COL17A1: variants seen among roughly 807,000 people sequenced by gnomAD.
The protein encoded by COL17A1 is collagen type XVII alpha 1 chain, also known as collagen alpha-1(XVII) chain.
COL17A1 carries 181 observed loss-of-function variants against 218.4 expected under a neutral mutation model. The ratio of observed to expected loss-of-function variants is 0.83; its 90% CI spans 0.73 to 0.94. The LOEUF is 0.94. COL17A1 is among the 40% of genes least tolerant of loss of function. The probability of loss-of-function intolerance (pLI) is 0.00; values close to 1 mark genes in which losing one functional copy is unlikely to be tolerated. For missense variants in COL17A1, 1,924 were observed against 1,945.9 expected (o/e 0.99, Z 0.21); for synonymous variants, 721 against 731.0 (o/e 0.99, Z 0.22).
intron 17 of COL17A1, among the ~76,000 whole-genome samples, 183 bp downstream of exon 17, chr10:104,056,792 T>C (rs1426766709): frequency 6.6e-6 from 1 of 152,162 alleles, no homozygotes; most frequent in Non-Finnish European, 1.5e-5. Context: ...CAGCATGTCC[T>C]TGGCCAGGTA....
rs753899068 is a variant in COL17A1, at chr10:104,033,396, G to A, written c.4157-21C>T. The A allele has an allele frequency of 5.0e-6, 8 of 1,608,096 alleles. No individual in the cohort carries two copies. In the South Asian group the frequency reaches 7.8e-5, roughly 16 times the overall value. ...CTGACCTGTAAAACACCAGAGCTTG[G>A]GCACAGGAAGCAGGGATCTCCCAGT... On this transcript the variant is annotated intron_variant, in intron 52 of 55. Transcript: ENST00000648076.
intron 10 of COL17A1, among the ~76,000 whole-genome samples, chr10:104,064,059 G>C (rs906852717): frequency 2.6e-5 from 4 of 152,232 alleles, no homozygotes; most frequent in African/African-American, 9.7e-5. Context: ...AGTGGACAGT[G>C]GGTCCAGCCA....
chr10:104,039,594 G>A lies in COL17A1; in HGVS notation c.2821+14C>T. The A allele has an allele frequency of 6.2e-7, 1 of 1,614,172 alleles. No individual in the cohort carries two copies. Among genetic ancestry groups the A allele is most frequent in the South Asian group, 1.1e-5 (1 of 91,082 alleles). Reference sequence around the variant, plus strand: ...TCTGGCCAGAGCCAGAATGGGGCGGGGTTCAGCCCTTACCTGAGGTTGAGA... The same window carrying A: ...TCTGGCCAGAGCCAGAATGGGGCGGAGTTCAGCCCTTACCTGAGGTTGAGA... On this transcript the variant is annotated intron_variant, in intron 42 of 55. Coordinates refer to ENST00000648076, the MANE Select transcript of COL17A1 (RefSeq NM_000494.4).
At chr10:104,054,380 A>G (rs1418486332) in intron 20 of COL17A1, among the ~76,000 whole-genome samples, 1 of 152,198 alleles carries the variant, frequency 6.6e-6, no homozygotes, top group Non-Finnish European at 1.5e-5. Flanking sequence ...TTATCTGACA[A>G]CTGCAGGTTC....
At chr10:104,056,358 A>G (rs754209410) in intron 17 of COL17A1, among the ~76,000 whole-genome samples, 2 of 152,140 alleles carry the variant, frequency 1.3e-5, no homozygotes, top group South Asian at 2.1e-4. Flanking sequence ...CAAGGGGGGC[A>G]GATCACGGGG....
chr10:104,084,905 A>G (rs2134670790), intron 1 of COL17A1, among the ~76,000 whole-genome samples: 1 of 152,318 alleles, frequency 6.6e-6, no homozygotes, highest in East Asian at 1.9e-4. Context: ...CTGATTAACT[A>G]CTTCTCAAAA....
rs777048918 is a variant in COL17A1, at chr10:104,070,596, G to A, written c.464-27C>T. On this transcript the variant is annotated intron_variant, in intron 8 of 55. Transcript: ENST00000648076. ...TGTGAAAGAATCCACAGACGTTTCT[G>A]TTAAGTCCAGAGTTCTTTCCTGAGT... 11 of 1,614,014 alleles carry A rather than the reference G, an allele frequency of 6.8e-6. No homozygotes were observed. The Admixed American group carries it at 1.5e-4, about 22-fold the overall frequency.
rs1448977667 is a variant in COL17A1 at position 104,031,400 on chromosome 10, C to T, written c.*835G>A. 6.6e-6 allele frequency: 1 copy of T among 152,588 alleles called. No individual in the cohort carries two copies. The highest frequency in any genetic ancestry group is 1.9e-4 in the East Asian group (1 of 5,192). 9.5% of individuals were successfully genotyped at this position (152,588 alleles called of 1,614,324 possible). A position where few individuals can be genotyped will look rare whatever the true frequency, so the allele number is the denominator to read the frequency against. On this transcript the variant is annotated 3_prime_UTR_variant, in exon 56 of 56. Transcript: ENST00000648076. Reference sequence around the variant, plus strand: ...GAAAAGTGGTTAAAGACCAACTGCGCCCAGTCCCCCAAGTGCCATTTTCTG... The same window carrying T: ...GAAAAGTGGTTAAAGACCAACTGCGTCCAGTCCCCCAAGTGCCATTTTCTG...
At chr10:104,059,085 G>T (rs745584377) in intron 15 of COL17A1, among the ~76,000 whole-genome samples, 3 of 152,182 alleles carry the variant, frequency 2.0e-5, no homozygotes, top group Non-Finnish European at 4.4e-5. Flanking sequence ...GTCAGGAACT[G>T]CTAACTTTAA....
At chr10:104,063,501 C>G (rs558289221) in intron 11 of COL17A1, 2 of 561,146 alleles carry the variant, frequency 3.6e-6, no homozygotes, top group East Asian at 6.6e-5. Flanking sequence ...TCCTCCAACT[C>G]TTCCAGAAAA....
chr10:104,069,047 C>CTA (rs2086649561), intron 9 of COL17A1, among the ~76,000 whole-genome samples: 1 of 152,176 alleles, frequency 6.6e-6, no homozygotes, highest in Non-Finnish European at 1.5e-5. Flanking sequence ...GTATAGGGAT[C>CTA]TATACCCTTG....
At position 104,058,197 on chromosome 10, in the gene COL17A1, G is replaced by A; in HGVS notation, c.1223-7C>T. 6.2e-7 allele frequency: 1 copy of A among 1,614,198 alleles called. No individual in the cohort carries two copies. Among genetic ancestry groups the A allele is most frequent in the South Asian group, 1.1e-5 (1 of 91,080 alleles). On this transcript the variant is annotated splice_polypyrimidine_tract_variant and splice_region_variant and intron_variant, in intron 15 of 55. Transcript: ENST00000648076. Reference sequence around the variant, plus strand: ...GACACAGTCTTCAGGTCTCCTGAAAGGACAAACAGATTGACCTGAGCTTTT... The same window carrying A: ...GACACAGTCTTCAGGTCTCCTGAAAAGACAAACAGATTGACCTGAGCTTTT...
At chr10:104,072,149 C>T (rs914540137) in intron 7 of COL17A1, 70 bp from the exon 8 acceptor site, 9 of 1,605,096 alleles carry the variant, frequency 5.6e-6, no homozygotes, top group Admixed American at 1.7e-5. Context: ...ACACTGAACT[C>T]CTAGCAGCAG....
chr10:104,046,669 T>C (rs370601024), intron 32 of COL17A1, 78 bp downstream of exon 32: 13 of 1,428,978 alleles, frequency 9.1e-6, no homozygotes, highest in African/African-American at 8.4e-5. Flanking sequence ...CTCTGGTGAC[T>C]GCAGGAAAAG....
chr10:104,058,282 C>G, intron 15 of COL17A1, 92 bp from the exon 16 acceptor site: 3 of 1,549,588 alleles, frequency 1.9e-6, no homozygotes, highest in Non-Finnish European at 2.6e-6. Flanking sequence ...CCTTTACTTT[C>G]TTAATAAACT....
chr10:104,076,879 TG>T (rs2086715623), intron 4 of COL17A1, among the ~76,000 whole-genome samples: 1 of 152,186 alleles, frequency 6.6e-6, no homozygotes, highest in African/African-American at 2.4e-5. Flanking sequence ...TGCTTTGCTT[TG>T]TTTTGTTTTA....
At position 104,034,343 on chromosome 10, in the gene COL17A1, TGA is replaced by T. The variant is rs903694312; in HGVS notation, c.3767-11_3767-10del. 1.3e-6 allele frequency: 2 copies of T among 1,539,430 alleles called. No individual in the cohort carries two copies. The highest frequency in any genetic ancestry group is 1.7e-6 in the Non-Finnish European group (2 of 1,150,948). On this transcript the variant is annotated splice_polypyrimidine_tract_variant and intron_variant, in intron 51 of 55. Transcript: ENST00000648076. ...GCTGCGCACATCAGGACCTGCAGGG[TGA>T]GAAGCTGCATGAGTGGGAGCTCAGA...
rs762727963 is a variant in COL17A1, at chr10:104,039,591, C to T, written c.2821+17G>A. On this transcript the variant is annotated intron_variant, in intron 42 of 55. Transcript: ENST00000648076. ...GGCTCTGGCCAGAGCCAGAATGGGG[C>T]GGGGTTCAGCCCTTACCTGAGGTTG... 93 of 1,614,006 alleles carry T rather than the reference C, an allele frequency of 5.8e-5. No individual in the cohort carries two copies. Among genetic ancestry groups the T allele is most frequent in the Middle Eastern group, 1.6e-4 (1 of 6,084 alleles).
chr10:104,047,821 A>G lies in COL17A1; in HGVS notation c.2264-11T>C, dbSNP rs1256561886. ...TAAGACCTTGTTCACCTAGAGAGAG[A>G]ATGGCCAACGTGGAAGTGTTTACAT... is the stretch of plus-strand genomic sequence containing the variant. On this transcript the variant is annotated splice_polypyrimidine_tract_variant and intron_variant, in intron 30 of 55. Transcript: ENST00000648076. The G allele has an allele frequency of 1.9e-6, 3 of 1,611,832 alleles. No homozygotes were observed. The East Asian group carries it at 6.7e-5, about 36-fold the overall frequency.
Sources: allele counts gnomAD v4.1 joint callset (sites outside exome capture counted in the v4.1 genomes callset), GRCh38; gene constraint gnomAD v4.1.1; transcripts MANE v1.5; gene names NCBI Gene and HGNC (gene_info 2026-07-23, HGNC 2026-07-21).